TSPAN11: variants seen among roughly 807,000 people sequenced by gnomAD.
TSPAN11 encodes the protein tetraspanin 11.
In TSPAN11, 29 loss-of-function variants were observed where a neutral mutation model predicts 32.9. The observed-to-expected ratio is 0.88, with a 90% CI of 0.66 to 1.20. The LOEUF is 1.20. Among genes scored for constraint, TSPAN11 ranks in the 50% most tolerant of loss-of-function variants. The probability of loss-of-function intolerance (pLI) is 0.00; values close to 1 mark genes in which losing one functional copy is unlikely to be tolerated. For missense variants in TSPAN11, 283 were observed against 329.1 expected, an observed-to-expected ratio of 0.86 and a Z score of 1.08; for synonymous variants, 140 against 141.3, an observed-to-expected ratio of 0.99 and a Z score of 0.07.
intron 1 of TSPAN11, among the ~76,000 whole-genome samples, chr12:30,927,598 TGAG>T (rs1937828886): frequency 2.0e-5 from 3 of 147,870 alleles, no homozygotes; most frequent in African/African-American, 7.5e-5. Context: ...GGGTGGGGGG[TGAG>T]GAGAAGAGGC....
intron 2 of TSPAN11, among the ~76,000 whole-genome samples, chr12:30,956,970 C>T (rs1293628617): frequency 2.6e-5 from 4 of 152,198 alleles, no homozygotes; most frequent in African/African-American, 4.8e-5. Context: ...ACCGGGGATA[C>T]ATGGGGCTAA....
chr12:30,961,485 A>T (rs573725685), intron 2 of TSPAN11, among the ~76,000 whole-genome samples: 1 of 151,726 alleles, frequency 6.6e-6, no homozygotes, highest in South Asian at 2.1e-4. Context: ...CCCTCCCGTG[A>T]CCCCCTCTGG....
At chr12:30,941,632 AT>A (rs1654450406) in intron 1 of TSPAN11, among the ~76,000 whole-genome samples, 1 of 152,202 alleles carries the variant, frequency 6.6e-6, no homozygotes, top group East Asian at 1.9e-4. Context: ...TTGGGGGCCT[AT>A]TGAGAAGGGA....
chr12:30,965,273 G>A (rs1228659039), intron 3 of TSPAN11, among the ~76,000 whole-genome samples: 1 of 152,188 alleles, frequency 6.6e-6, no homozygotes, highest in Non-Finnish European at 1.5e-5. Context: ...CTGTTAGCAA[G>A]CAGGGCCTTC....
chr12:30,967,660 A>G (rs1938760366), intron 3 of TSPAN11, among the ~76,000 whole-genome samples: 1 of 151,996 alleles, frequency 6.6e-6, no homozygotes, highest in African/African-American at 2.4e-5. Flanking sequence ...GTGTGCATGC[A>G]CGCACACACA....
chr12:30,960,365 A>C (rs1024768480), intron 2 of TSPAN11, among the ~76,000 whole-genome samples: 15 of 152,006 alleles, frequency 9.9e-5, no homozygotes, highest in African/African-American at 3.6e-4. Flanking sequence ...CTCCTCACTG[A>C]GGGTGGAGAA....
At chr12:30,961,440 A>T (rs60101142) in intron 2 of TSPAN11, among the ~76,000 whole-genome samples, 3,689 of 152,084 alleles carry the variant, frequency 0.024, 249 homozygotes, top group East Asian at 0.22. Context: ...AGTCAGGGAC[A>T]CAGTCAGAAC....
intron 1 of TSPAN11, among the ~76,000 whole-genome samples, chr12:30,938,593 G>A (rs1592461863): frequency 1.3e-5 from 2 of 152,170 alleles, no homozygotes; most frequent in South Asian, 2.1e-4. Flanking sequence ...AATTCCAGGG[G>A]CAGCCATTCT....
At chr12:30,968,748 A>T (rs1171938208) in intron 3 of TSPAN11, among the ~76,000 whole-genome samples, 1 of 152,238 alleles carries the variant, frequency 6.6e-6, no homozygotes, top group African/African-American at 2.4e-5. Context: ...TGGATAAAAA[A>T]GTAAGAAGTT....
chr12:30,967,128 A>G (rs1462228280), intron 3 of TSPAN11, among the ~76,000 whole-genome samples: 1 of 152,196 alleles, frequency 6.6e-6, no homozygotes, highest in Non-Finnish European at 1.5e-5. Flanking sequence ...GCACCTGACC[A>G]CGCTGTGCTC....
intron 3 of TSPAN11, among the ~76,000 whole-genome samples, chr12:30,974,968 G>A (rs1206038948): frequency 6.6e-6 from 1 of 152,228 alleles, no homozygotes; most frequent in Non-Finnish European, 1.5e-5. Flanking sequence ...GGATAGCCTG[G>A]TGGAGCCAAG....
rs1435896398 is a variant in TSPAN11 at position 30,978,652 on chromosome 12, C to T, written c.351+17C>T. 5 of 1,612,428 alleles carry T rather than the reference C, an allele frequency of 3.1e-6. No individual in the cohort carries two copies. The highest frequency in any genetic ancestry group is 1.3e-5 in the African/African-American group (1 of 74,900). On this transcript the variant is annotated intron_variant, in intron 4 of 7. Transcript: ENST00000546076. The stretch of plus-strand genomic sequence containing the variant: ...TACCAGAGGGTAAGTGACGTTTCCT[C>T]CTCCTGCATCCTCTGTCAGTGTCCT...
At position 30,983,457 on chromosome 12, in the gene TSPAN11, G is replaced by A. The variant is rs971129347; in HGVS notation, c.702+307G>A. On this transcript the variant is annotated intron_variant, in intron 7 of 7. Transcript: ENST00000546076. Reference sequence around the variant, plus strand: ...ACCCCATGTGTGTGCACGTGGGGGTGAGCGTGCAAGCCATCTGTGGTACGT... The same window carrying A: ...ACCCCATGTGTGTGCACGTGGGGGTAAGCGTGCAAGCCATCTGTGGTACGT... 5.3e-5 allele frequency among the ~76,000 whole-genome samples: 8 copies of A among 152,194 alleles called. 1 individual carries two copies. The highest frequency in any genetic ancestry group is 1.4e-4 in the African/African-American group (6 of 41,448).
chr12:30,951,671 C>T (rs987701010), intron 1 of TSPAN11, among the ~76,000 whole-genome samples: 1 of 152,176 alleles, frequency 6.6e-6, no homozygotes, highest in Admixed American at 6.5e-5. Context: ...TCCATAAATA[C>T]TAGCTACACA....
chr12:30,966,826 G>A (rs927688640), intron 3 of TSPAN11, among the ~76,000 whole-genome samples: 1 of 152,232 alleles, frequency 6.6e-6, no homozygotes, highest in Non-Finnish European at 1.5e-5. Flanking sequence ...GGTGTAGTGA[G>A]GGGACCCTAG....
At chr12:30,988,114 G>A (rs1008447541) in intron 7 of TSPAN11, among the ~76,000 whole-genome samples, 2 of 152,132 alleles carry the variant, frequency 1.3e-5, no homozygotes, top group Non-Finnish European at 2.9e-5. Context: ...CCCTCAGCAG[G>A]GGCCCCCCAG....
intron 1 of TSPAN11, among the ~76,000 whole-genome samples, chr12:30,929,280 A>G (rs977534909): frequency 1.3e-5 from 2 of 152,236 alleles, no homozygotes; most frequent in South Asian, 2.1e-4. Flanking sequence ...TTGACCCTCA[A>G]CGAGGATTAT....
At chr12:30,960,529 G>A (rs1035285) in intron 2 of TSPAN11, among the ~76,000 whole-genome samples, 45,073 of 151,876 alleles carry the variant, frequency 0.3, 7,648 homozygotes, top group Non-Finnish European at 0.38. Flanking sequence ...TTTCCTCCAG[G>A]TCTGCTGCCT....
chr12:30,963,406 A>G (rs549965465), intron 2 of TSPAN11, among the ~76,000 whole-genome samples: 3 of 152,378 alleles, frequency 2.0e-5, no homozygotes, highest in African/African-American at 7.2e-5. Context: ...GAGCCCCACC[A>G]GGGAAGTGCG....
Sources: allele counts gnomAD v4.1 joint callset (sites outside exome capture counted in the v4.1 genomes callset), GRCh38; gene constraint gnomAD v4.1.1; transcripts MANE v1.5; gene names NCBI Gene and HGNC (gene_info 2026-07-23, HGNC 2026-07-21).